Variants in KCNMA1 observed in about 807,000 individuals in gnomAD.
KCNMA1 encodes potassium calcium-activated channel subfamily M alpha 1.
Under a neutral mutation model 140.0 loss-of-function variants are expected in KCNMA1, and 29 were observed. The observed-to-expected ratio is 0.21, with a 90% CI of 0.15 to 0.28. The LOEUF (loss-of-function observed/expected upper bound fraction) is 0.28. KCNMA1 is among the 10% of genes least tolerant of loss of function. The pLI is 1.00. For synonymous variants in KCNMA1, 612 were observed against 611.9 expected (o/e 1.00, Z 0.00); for missense variants, 880 against 1,602.2 (o/e 0.55, Z 7.70).
intron 9 of KCNMA1, among the ~76,000 whole-genome samples, chr10:77,097,213 T>A (rs2096956307): frequency 1.3e-5 from 2 of 152,280 alleles, no homozygotes. Context: ...GGTTACTGTT[T>A]CCCAGCGCTT....
chr10:77,217,813 C>A (rs192676316), intron 3 of KCNMA1, among the ~76,000 whole-genome samples: 1 of 152,142 alleles, frequency 6.6e-6, no homozygotes, highest in South Asian at 2.1e-4. Flanking sequence ...TGATTCTCAG[C>A]CTCTCTTTTG....
At chr10:77,331,363 T>C (rs1031218716) in intron 2 of KCNMA1, among the ~76,000 whole-genome samples, 3 of 152,194 alleles carry the variant, frequency 2.0e-5, no homozygotes, top group Non-Finnish European at 4.4e-5. Context: ...CAGTGAAACA[T>C]ATGAATTTCC....
chr10:77,602,361 TACAG>T (rs2082930353), intron 1 of KCNMA1, among the ~76,000 whole-genome samples: 1 of 152,138 alleles, frequency 6.6e-6, no homozygotes, highest in African/African-American at 2.4e-5. Flanking sequence ...GGCAAATCCG[TACAG>T]ACAGACAGCA....
At chr10:77,618,771 G>A (rs1220908489) in intron 1 of KCNMA1, among the ~76,000 whole-genome samples, 2 of 152,120 alleles carry the variant, frequency 1.3e-5, no homozygotes, top group Admixed American at 1.3e-4. Flanking sequence ...AACCAGCCAG[G>A]GCAGGAATAT....
At chr10:77,448,915 C>T (rs551373160) in intron 1 of KCNMA1, among the ~76,000 whole-genome samples, 3 of 152,014 alleles carry the variant, frequency 2.0e-5, no homozygotes, top group South Asian at 2.1e-4. Flanking sequence ...GGTGAAACCC[C>T]GTCTCTACTA....
chr10:77,376,882 G>A (rs556561258), intron 2 of KCNMA1, among the ~76,000 whole-genome samples: 2 of 152,222 alleles, frequency 1.3e-5, no homozygotes, highest in African/African-American at 4.8e-5. Flanking sequence ...AGGTTGTAGT[G>A]AGCCGAGATC....
At chr10:76,874,069 A>AAAAC (rs144687620), downstream of KCNMA1, 8,686 of 152,082 alleles carry the variant, frequency 0.057, 287 homozygotes, top group South Asian at 0.16. Context: ...ACCAAAAAAA[A>AAAAC]AACAACAAAA....
At chr10:76,906,805 G>A (rs543231761) in intron 25 of KCNMA1, among the ~76,000 whole-genome samples, 60 of 152,264 alleles carry the variant, frequency 3.9e-4, no homozygotes, top group African/African-American at 1.4e-3. Context: ...TAAGGTTGGG[G>A]TAGAATGCAA....
rs147762467 is a variant in KCNMA1 at position 77,561,409 on chromosome 10, G to A, written c.378+75856C>T. ...GGTGCTATTCTCATCCCCACTTTGC[G>A]GATTATGAATTGAGGTAAGAAAGGC... On this transcript the variant is annotated intron_variant, in intron 1 of 27. Transcript: ENST00000286628. Among the ~76,000 whole-genome samples the A allele has an allele frequency of 8.3e-3, 1,264 of 152,140 alleles. 8 individuals carry two copies. The highest frequency in any genetic ancestry group is 0.02 in the Middle Eastern group (6 of 294).
rs572827902 is a variant in KCNMA1, at chr10:77,637,505, AGAGGAG to A, written c.132_137del (p.Ser59_Ser60del). ...AGGAGGAGGAAGAAGAAGAAGAGGA[AGAGGAG>A]GAGGAGGAGGAGGAGGACGCGTCTA... On this transcript the variant is annotated inframe_deletion, in exon 1 of 28. Transcript: ENST00000286628. The A allele has an allele frequency of 1.7e-4, 275 of 1,572,924 alleles. No homozygotes were observed. Among genetic ancestry groups the A allele is most frequent in the East Asian group, 1.2e-3 (53 of 43,316 alleles).
intron 25 of KCNMA1, among the ~76,000 whole-genome samples, chr10:76,900,942 C>T (rs1319478732): frequency 1.3e-5 from 2 of 148,938 alleles, no homozygotes; most frequent in East Asian, 3.9e-4. Flanking sequence ...TAATAAGTTG[C>T]TACTTGTTCA....
chr10:77,219,892 G>C (rs908554369), intron 3 of KCNMA1, among the ~76,000 whole-genome samples: 1 of 152,218 alleles, frequency 6.6e-6, no homozygotes. Context: ...TGGCTGAGCA[G>C]TCATGCTCTG....
At position 77,216,357 on chromosome 10, in the gene KCNMA1, TGAA is replaced by T. The variant is rs2154182161; in HGVS notation, c.603-31444_603-31442del. On this transcript the variant is annotated intron_variant, in intron 3 of 27. Transcript: ENST00000286628. ...TATAAAACATATTTCAATAAAACTA[TGAA>T]GAAGAAGGGGGGAAGAGGAGAAGTG... 2.0e-5 allele frequency among the ~76,000 whole-genome samples: 3 copies of T among 151,566 alleles called. No homozygotes were observed. The East Asian group carries it at 5.8e-4, about 29-fold the overall frequency.
At chr10:77,496,466 G>A (rs955018473) in intron 1 of KCNMA1, among the ~76,000 whole-genome samples, 9 of 151,832 alleles carry the variant, frequency 5.9e-5, no homozygotes, top group South Asian at 2.1e-4. Context: ...GTGTGGTGGC[G>A]GGCGCCTGTA....
rs77231005 is a variant in KCNMA1, at chr10:77,120,778, A to G, written c.884+195T>C. On this transcript the variant is annotated intron_variant, in intron 6 of 27. Transcript: ENST00000286628. Reference sequence around the variant, plus strand: ...GCACAGCTATTTCTCTCTTTTCACCACATAGTTCCCTGGCCCTGCAGAAGA... The same window carrying G: ...GCACAGCTATTTCTCTCTTTTCACCGCATAGTTCCCTGGCCCTGCAGAAGA... 0.049 allele frequency among the ~76,000 whole-genome samples: 7,489 copies of G among 152,118 alleles called. 614 individuals carry two copies. The highest frequency in any genetic ancestry group is 0.17 in the African/African-American group (7,066 of 41,474).
chr10:77,352,951 G>GTCCC (rs2093070209), intron 2 of KCNMA1, among the ~76,000 whole-genome samples: 1 of 152,202 alleles, frequency 6.6e-6, no homozygotes, highest in Admixed American at 6.5e-5. Context: ...AGTTGGAAAG[G>GTCCC]CAAAGGCCAA....
At chr10:77,470,732 T>C (rs1489446121) in intron 1 of KCNMA1, among the ~76,000 whole-genome samples, 1 of 152,190 alleles carries the variant, frequency 6.6e-6, no homozygotes, top group Non-Finnish European at 1.5e-5. Context: ...GGGGTCTAAC[T>C]TGGGAAACTC....
chr10:77,481,214 A>G (rs2098390503), intron 1 of KCNMA1, among the ~76,000 whole-genome samples: 1 of 152,166 alleles, frequency 6.6e-6, no homozygotes, highest in African/African-American at 2.4e-5. Context: ...CAATGAAAGC[A>G]TATTTCCCTT....
At chr10:77,510,056 C>T (rs943021720) in intron 1 of KCNMA1, among the ~76,000 whole-genome samples, 3 of 152,080 alleles carry the variant, frequency 2.0e-5, no homozygotes, top group African/African-American at 7.2e-5. Flanking sequence ...CCCACTCCTA[C>T]CCCCCACTTC....
Sources: gnomAD v4.1 joint callset for allele counts (sites outside exome capture counted in the v4.1 genomes callset) on GRCh38, gnomAD v4.1.1 for gene constraint, MANE v1.5 for transcripts, NCBI Gene and HGNC (gene_info 2026-07-23, HGNC 2026-07-21) for gene names.